Variants in PTPRT observed in about 807,000 individuals in gnomAD.
PTPRT encodes protein tyrosine phosphatase receptor type T, also known as receptor-type tyrosine-protein phosphatase T.
A neutral mutation model predicts 176.8 loss-of-function variants in PTPRT; 56 were observed. The ratio of observed to expected loss-of-function variants is 0.32; its 90% CI spans 0.26 to 0.40. The LOEUF (loss-of-function observed/expected upper bound fraction) is 0.40. PTPRT is among the 10% of genes least tolerant of loss of function. The probability of loss-of-function intolerance (pLI) is 1.00; values close to 1 mark genes in which losing one functional copy is unlikely to be tolerated. For missense variants in PTPRT, 1,540 were observed against 1,908.2 expected (o/e 0.81, Z 3.60); for synonymous variants, 783 against 739.0 (o/e 1.06, Z -0.96).
chr20:42,897,515 G>C (rs1295971396), intron 1 of PTPRT, among the ~76,000 whole-genome samples: 1 of 152,194 alleles, frequency 6.6e-6, no homozygotes, highest in East Asian at 1.9e-4. Context: ...AGGGGTAACA[G>C]AAACGGCGGT....
chr20:43,173,372 T>C (rs2015050281), intron 1 of PTPRT, among the ~76,000 whole-genome samples: 1 of 152,258 alleles, frequency 6.6e-6, no homozygotes, highest in Admixed American at 6.5e-5. Flanking sequence ...GATAAAATTA[T>C]GCAGGCCCTT....
In PTPRT at chr20:42,543,971, T is replaced by C. The variant is rs140434642; in HGVS notation, c.1154-71409A>G. On this transcript the variant is annotated intron_variant, in intron 7 of 30. Coordinates refer to ENST00000373187, the MANE Select transcript of PTPRT (RefSeq NM_007050.6). ...CCTGCTGTAAACAAATGTGCTGTCA[T>C]CCAGGCTTTGTTGTTCCATTTACAG... 1.1e-4 allele frequency among the ~76,000 whole-genome samples: 17 copies of C among 152,288 alleles called. No individual in the cohort carries two copies. In the East Asian group the frequency reaches 3.3e-3, roughly 29 times the overall value.
intron 7 of PTPRT, among the ~76,000 whole-genome samples, chr20:42,670,738 C>T (rs953410142): frequency 1.6e-4 from 24 of 152,246 alleles, no homozygotes; most frequent in Middle Eastern, 3.4e-3. Flanking sequence ...TTGATTGACA[C>T]GCAAGGGGGA....
In PTPRT at chr20:42,079,988, A is replaced by G. The variant is rs926979444; in HGVS notation, c.*891T>C. On this transcript the variant is annotated 3_prime_UTR_variant, in exon 31 of 31. Transcript: ENST00000373187. ...CCTCCAAAAGAAAGTTTCTTTTCAC[A>G]TACACTTTGGAAAATAATCAAATCT... 8.6e-6 allele frequency: 2 copies of G among 232,528 alleles called. No homozygotes were observed. The highest frequency in any genetic ancestry group is 1.7e-5 in the Non-Finnish European group (2 of 117,648). 14.4% of individuals were successfully genotyped at this position (232,528 alleles called of 1,614,324 possible). A position where few individuals can be genotyped will look rare whatever the true frequency, so the allele number is the denominator to read the frequency against.
chr20:42,041,682 T>C, the PTPRT span, among the ~76,000 whole-genome samples: 1 of 152,344 alleles, frequency 6.6e-6, no homozygotes, highest in Non-Finnish European at 1.5e-5. Context: ...CTTTCTGCGC[T>C]CAATGTTCTC....
At chr20:42,932,511 G>A (rs958255734) in intron 1 of PTPRT, among the ~76,000 whole-genome samples, 1 of 152,234 alleles carries the variant, frequency 6.6e-6, no homozygotes, top group East Asian at 1.9e-4. Flanking sequence ...GTGGAGGGGT[G>A]GTGGTAAGAA....
chr20:42,130,425 A>G, intron 18 of PTPRT, among the ~76,000 whole-genome samples: 1 of 152,116 alleles, frequency 6.6e-6, no homozygotes. Context: ...TAAGGAAGGC[A>G]ATTGTAGTTG....
intron 13 of PTPRT, among the ~76,000 whole-genome samples, chr20:42,257,636 T>TCC (rs1485904252): frequency 0.017 from 114 of 6,628 alleles, 1 homozygote; most frequent in East Asian, 0.028. Flanking sequence ...GTGTAGCACC[T>TCC]CCCCCCACCC....
intron 1 of PTPRT, among the ~76,000 whole-genome samples, chr20:43,108,564 G>A (rs926069108): frequency 6.6e-6 from 1 of 152,138 alleles, no homozygotes; most frequent in Non-Finnish European, 1.5e-5. Context: ...ACTCGAGACA[G>A]GGTTGGGGGC....
At chr20:42,285,368 A>G (rs1438254080) in intron 12 of PTPRT, among the ~76,000 whole-genome samples, 5 of 152,048 alleles carry the variant, frequency 3.3e-5, no homozygotes, top group South Asian at 2.1e-4. Context: ...AAAGTAATAT[A>G]TTAGAAAACT....
At chr20:43,005,991 G>A (rs908974048) in intron 1 of PTPRT, among the ~76,000 whole-genome samples, 1 of 152,152 alleles carries the variant, frequency 6.6e-6, no homozygotes, top group Non-Finnish European at 1.5e-5. Flanking sequence ...ATATCATAAT[G>A]TGGTAAATTT....
chr20:42,217,927 T>C (rs1018251321), intron 15 of PTPRT, among the ~76,000 whole-genome samples: 3 of 152,236 alleles, frequency 2.0e-5, no homozygotes, highest in African/African-American at 7.2e-5. Context: ...AGGTAGTGAT[T>C]ATTTCTTTTG....
intron 1 of PTPRT, among the ~76,000 whole-genome samples, chr20:43,095,004 G>C (rs2012068063): frequency 6.6e-6 from 1 of 152,148 alleles, no homozygotes; most frequent in Non-Finnish European, 1.5e-5. Flanking sequence ...TGAGCAGCGA[G>C]GGAAACAGAG....
rs1211811338 is a variant in PTPRT at position 42,870,405 on chromosome 20, TG to T, written c.214+15401del. 1.4e-4 allele frequency among the ~76,000 whole-genome samples: 22 copies of T among 152,388 alleles called. 1 individual carries two copies. Among genetic ancestry groups the T allele is most frequent in the African/African-American group, 4.6e-4 (19 of 41,602 alleles). On this transcript the variant is annotated intron_variant, in intron 2 of 30. Coordinates refer to ENST00000373187, the MANE Select transcript of PTPRT (RefSeq NM_007050.6). ...ACCACATTTTCTTTATCCGTCCATC[TG>T]TTGATGAACATTTGGGTTGCTTCCA...
At chr20:42,795,055 G>A (rs1196762565) in intron 2 of PTPRT, among the ~76,000 whole-genome samples, 2 of 152,120 alleles carry the variant, frequency 1.3e-5, no homozygotes, top group African/African-American at 2.4e-5. Flanking sequence ...TGATCAACAG[G>A]TTGGCATAAT....
chr20:42,426,819 T>C (rs1006410193), intron 9 of PTPRT, among the ~76,000 whole-genome samples: 1 of 152,138 alleles, frequency 6.6e-6, no homozygotes, highest in African/African-American at 2.4e-5. Flanking sequence ...GGGAACCCTC[T>C]TGTTTCAATA....
At chr20:42,143,913 G>T (rs1233002124) in intron 17 of PTPRT, among the ~76,000 whole-genome samples, 1 of 152,368 alleles carries the variant, frequency 6.6e-6, no homozygotes, top group African/African-American at 2.4e-5. Context: ...TTGGCACAAA[G>T]TTGGGGTAGT....
intron 7 of PTPRT, among the ~76,000 whole-genome samples, chr20:42,676,715 GTACT>G (rs2075510510): frequency 1.3e-5 from 2 of 152,262 alleles, no homozygotes; most frequent in South Asian, 4.1e-4. Flanking sequence ...TAAAATGTAA[GTACT>G]TACAGCAAAA....
intron 15 of PTPRT, among the ~76,000 whole-genome samples, chr20:42,235,930 G>A (rs1482228474): frequency 6.6e-6 from 1 of 152,178 alleles, no homozygotes; most frequent in Non-Finnish European, 1.5e-5. Context: ...TTGGTCCCCT[G>A]CTTGATGGAA....
Sources: allele counts gnomAD v4.1 joint callset (sites outside exome capture counted in the v4.1 genomes callset), GRCh38; gene constraint gnomAD v4.1.1; transcripts MANE v1.5; gene names NCBI Gene and HGNC (gene_info 2026-07-23, HGNC 2026-07-21).